Variants in FARP1 observed in about 807,000 individuals in gnomAD.
The protein encoded by FARP1 is FERM, ARH/RhoGEF and pleckstrin domain protein 1, also known as FERM, ARHGEF and pleckstrin domain-containing protein 1.
Under a neutral mutation model 128.8 loss-of-function variants are expected in FARP1, and 52 were observed. The ratio of observed to expected loss-of-function variants is 0.40; its 90% CI spans 0.32 to 0.51. FARP1 has a LOEUF of 0.51. Among genes scored for constraint, FARP1 ranks in the 20% least tolerant of loss-of-function variants. FARP1 has a pLI of 0.45. For synonymous variants in FARP1, 580 were observed against 551.8 expected, an observed-to-expected ratio of 1.05 and a Z score of -0.72; for missense variants, 1,333 against 1,367.9, an observed-to-expected ratio of 0.97 and a Z score of 0.40.
chr13:98,341,752 G>T (rs1173777517), intron 2 of FARP1, among the ~76,000 whole-genome samples: 1 of 152,232 alleles, frequency 6.6e-6, no homozygotes, highest in Non-Finnish European at 1.5e-5. Flanking sequence ...TTTACTATCA[G>T]TCACTGGGAA....
In FARP1 at chr13:98,382,066, TAA is replaced by T. The variant is rs554572886; in HGVS notation, c.497-2653_497-2652del. ...AGTGAGAGCCTGTCTCTACTCAAAA[TAA>T]AAAAAAAAAATAGCCAGGTGTGGTG... On this transcript the variant is annotated intron_variant, in intron 6 of 26. Coordinates refer to ENST00000319562, the MANE Select transcript of FARP1 (RefSeq NM_005766.4). Among the ~76,000 whole-genome samples, 51 of 143,334 alleles carry T rather than the reference TAA, an allele frequency of 3.6e-4. 1 individual carries two copies. Among genetic ancestry groups the T allele is most frequent in the African/African-American group, 1.1e-3 (43 of 40,068 alleles). The allele number at this position is 143,334 out of a possible 152,430, so 94.0% of individuals were successfully genotyped here.
At chr13:98,149,322 C>T (rs1213062978) in intron 1 of FARP1, among the ~76,000 whole-genome samples, 9 of 152,238 alleles carry the variant, frequency 5.9e-5, no homozygotes, top group Non-Finnish European at 1.0e-4. Flanking sequence ...GCAGTATTTC[C>T]GTGGCTGGAT....
intron 2 of FARP1, among the ~76,000 whole-genome samples, chr13:98,296,330 C>G (rs532191298): frequency 6.6e-6 from 1 of 152,140 alleles, no homozygotes; most frequent in South Asian, 2.1e-4. Context: ...CCAGCACATG[C>G]GCACACTCTC....
At chr13:98,382,498 C>G (rs1458716386) in intron 6 of FARP1, 4 of 149,786 alleles carry the variant, frequency 2.7e-5, no homozygotes, top group African/African-American at 9.9e-5. Context: ...TTCTAAGATT[C>G]ATAGGAATTA....
intron 1 of FARP1, among the ~76,000 whole-genome samples, chr13:98,203,606 C>T (rs545424562): frequency 6.6e-6 from 1 of 152,160 alleles, no homozygotes; most frequent in Non-Finnish European, 1.5e-5. Context: ...GAACAATATT[C>T]CCTGGTATGG....
intron 2 of FARP1, among the ~76,000 whole-genome samples, chr13:98,264,549 C>A (rs1285886634): frequency 6.6e-6 from 1 of 152,096 alleles, no homozygotes; most frequent in African/African-American, 2.4e-5. Context: ...TGCCCCAAGG[C>A]ACAAGAGTAG....
At chr13:98,223,877 G>A (rs1183723455) in intron 2 of FARP1, among the ~76,000 whole-genome samples, 1 of 152,218 alleles carries the variant, frequency 6.6e-6, no homozygotes, top group Non-Finnish European at 1.5e-5. Context: ...TAGATCCAGT[G>A]TTTTCAAAGG....
intron 9 of FARP1, 27 bp from the exon 10 acceptor site, chr13:98,389,930 A>T: frequency 6.2e-7 from 1 of 1,610,770 alleles, no homozygotes; most frequent in South Asian, 1.1e-5. Flanking sequence ...TAATGGAAAA[A>T]ACCACCGTTG....
chr13:98,208,344 G>A (rs573058251), intron 1 of FARP1, among the ~76,000 whole-genome samples: 1 of 151,926 alleles, frequency 6.6e-6, no homozygotes, highest in South Asian at 2.1e-4. Context: ...CGGGCATGGT[G>A]GTGGGCATCT....
intron 1 of FARP1, among the ~76,000 whole-genome samples, chr13:98,146,370 A>T (rs2139071428): frequency 6.6e-6 from 1 of 152,318 alleles, no homozygotes; most frequent in East Asian, 1.9e-4. Context: ...CTGGGATTAC[A>T]GGCATTTGCC....
chr13:98,306,115 C>G (rs624124), intron 2 of FARP1, among the ~76,000 whole-genome samples: 136,334 of 152,262 alleles, frequency 0.9, 61,196 homozygotes, highest in East Asian at 1. Context: ...GTAGACTGGA[C>G]AGCTGATTGC....
At chr13:98,145,156 A>C (rs1364542931) in intron 1 of FARP1, among the ~76,000 whole-genome samples, 2 of 152,192 alleles carry the variant, frequency 1.3e-5, no homozygotes, top group Non-Finnish European at 2.9e-5. Context: ...ATGCCTTCCT[A>C]GCCCAGCGCC....
chr13:98,161,264 A>G (rs1183363596), intron 1 of FARP1, among the ~76,000 whole-genome samples: 8 of 145,330 alleles, frequency 5.5e-5, no homozygotes, highest in Non-Finnish European at 9.0e-5. Context: ...TGCCCAAGCC[A>G]GAGTGCAATG....
Position 98,453,230 on chromosome 13 carries a change from AG to A in FARP1, c.*4914del. On this transcript the variant is annotated 3_prime_UTR_variant, in exon 27 of 27. Transcript: ENST00000319562. ...AGTATCTAGGGAAAAAGAGAGAGAG[AG>A]AAGTCAACACATGTCATTTCTCATC... The A allele has an allele frequency of 6.2e-7, 1 of 1,611,302 alleles. No homozygotes were observed. The highest frequency in any genetic ancestry group is 8.5e-7 in the Non-Finnish European group (1 of 1,178,926).
At chr13:98,354,186 A>G (rs528954159) in intron 3 of FARP1, among the ~76,000 whole-genome samples, 2 of 152,350 alleles carry the variant, frequency 1.3e-5, no homozygotes, top group East Asian at 1.9e-4. Context: ...ACACAAGTGC[A>G]TAGGGATAGC....
At chr13:98,170,976 C>T (rs1419539627) in intron 1 of FARP1, among the ~76,000 whole-genome samples, 1 of 152,142 alleles carries the variant, frequency 6.6e-6, no homozygotes, top group Non-Finnish European at 1.5e-5. Context: ...GATGAAGCAG[C>T]AACTGGTCAT....
chr13:98,202,701 CAT>C (rs1880025980), intron 1 of FARP1, among the ~76,000 whole-genome samples: 1 of 151,966 alleles, frequency 6.6e-6, no homozygotes, highest in East Asian at 1.9e-4. Context: ...CTTAATGAAA[CAT>C]AGTCTTCTTA....
intron 11 of FARP1, 93 bp from the exon 12 acceptor site, chr13:98,393,550 C>A (rs1471827886): frequency 1.1e-6 from 1 of 942,918 alleles, no homozygotes. Context: ...GGCACTAATA[C>A]GTCCAACAAA....
At chr13:98,348,955 G>A (rs1464459848) in intron 3 of FARP1, among the ~76,000 whole-genome samples, 6 of 152,206 alleles carry the variant, frequency 3.9e-5, no homozygotes, top group African/African-American at 1.4e-4. Flanking sequence ...GATCCACACA[G>A]AGCCTCTCTT....
Sources: allele counts gnomAD v4.1 joint callset (sites outside exome capture counted in the v4.1 genomes callset), GRCh38; gene constraint gnomAD v4.1.1; transcripts MANE v1.5; gene names NCBI Gene and HGNC (gene_info 2026-07-23, HGNC 2026-07-21).